The following RAD50 variants were observed in gnomAD, a reference collection of about 807,000 sequenced individuals.
The protein encoded by RAD50 is RAD50 double strand break repair protein.
Under a neutral mutation model 168.8 loss-of-function variants are expected in RAD50, and 132 were observed. The ratio of observed to expected loss-of-function variants is 0.78; its 90% CI spans 0.68 to 0.90. RAD50 has a LOEUF of 0.90. RAD50 is among the 40% of genes least tolerant of loss of function. The pLI is 0.00. For synonymous variants in RAD50, 525 were observed against 497.4 expected (o/e 1.06, Z -0.74); for missense variants, 1,347 against 1,534.4 (o/e 0.88, Z 2.04).
chr5:132,628,333 G>A (rs1353942274), intron 21 of RAD50, among the ~76,000 whole-genome samples: 2 of 152,290 alleles, frequency 1.3e-5, no homozygotes, highest in Admixed American at 1.3e-4. Flanking sequence ...ATAAGCAGCT[G>A]GTGATGTGGG....
intron 21 of RAD50, among the ~76,000 whole-genome samples, chr5:132,619,968 C>T (rs1379041552): frequency 2.0e-5 from 3 of 149,448 alleles, no homozygotes; most frequent in Non-Finnish European, 4.4e-5. Flanking sequence ...GCAGTGGCGC[C>T]ATCTCGGCTC....
At chr5:132,578,266 A>G (rs1257236610) in intron 3 of RAD50, among the ~76,000 whole-genome samples, 1 of 152,224 alleles carries the variant, frequency 6.6e-6, no homozygotes, top group Non-Finnish European at 1.5e-5. Context: ...TGATACCACT[A>G]TCCGTCCAGT....
chr5:132,602,674 A>G (rs1658324704), intron 13 of RAD50, among the ~76,000 whole-genome samples: 1 of 152,192 alleles, frequency 6.6e-6, no homozygotes, highest in South Asian at 2.1e-4. Flanking sequence ...CAATTTATGT[A>G]CTCTGTTATA....
chr5:132,613,617 TA>T (rs1554099638), intron 19 of RAD50, among the ~76,000 whole-genome samples: 5 of 148,460 alleles, frequency 3.4e-5, no homozygotes, highest in African/African-American at 1.2e-4. Context: ...TTTTTTTTTT[TA>T]AATTAGATGG....
At chr5:132,601,313 A>T (rs959329198) in intron 13 of RAD50, among the ~76,000 whole-genome samples, 1 of 152,190 alleles carries the variant, frequency 6.6e-6, no homozygotes, top group African/African-American at 2.4e-5. Context: ...ACTTCTTTTA[A>T]CATCTTATGT....
At chr5:132,619,775 T>A (rs1483396400) in intron 21 of RAD50, among the ~76,000 whole-genome samples, 2 of 144,240 alleles carry the variant, frequency 1.4e-5, no homozygotes, top group Non-Finnish European at 3.0e-5. Flanking sequence ...AAGAAATCCT[T>A]CCCTACTCCT....
intron 2 of RAD50, among the ~76,000 whole-genome samples, chr5:132,563,478 G>T (rs942859065): frequency 5.9e-5 from 9 of 152,318 alleles, no homozygotes; most frequent in African/African-American, 2.2e-4. Flanking sequence ...GTGGCAGAAG[G>T]GGTTGATTGA....
At chr5:132,619,732 G>T (rs185381747) in intron 21 of RAD50, among the ~76,000 whole-genome samples, 2 of 148,672 alleles carry the variant, frequency 1.3e-5, no homozygotes, top group Admixed American at 1.3e-4. Flanking sequence ...GAATTTAGCA[G>T]CCTTTTCTGG....
At chr5:132,628,265 T>C (rs968725844) in intron 21 of RAD50, among the ~76,000 whole-genome samples, 1 of 152,172 alleles carries the variant, frequency 6.6e-6, no homozygotes, top group African/African-American at 2.4e-5. Flanking sequence ...ACATGTGGAA[T>C]GAGCATAGAG....
chr5:132,589,339 A>T (rs571265866), intron 8 of RAD50, among the ~76,000 whole-genome samples: 3 of 152,300 alleles, frequency 2.0e-5, no homozygotes, highest in Non-Finnish European at 4.4e-5. Flanking sequence ...ACAGTTGCCA[A>T]AGTATTCAGT....
chr5:132,579,707 A>T (rs990413787), intron 4 of RAD50, 155 bp from the exon 5 acceptor site: 3 of 854,300 alleles, frequency 3.5e-6, no homozygotes, highest in Non-Finnish European at 5.5e-6. Context: ...GTATAAATGT[A>T]ATTTTTTTCA....
chr5:132,569,727 C>T (rs74438233), intron 2 of RAD50, among the ~76,000 whole-genome samples: 2,978 of 152,282 alleles, frequency 0.02, 74 homozygotes, highest in African/African-American at 0.061. Flanking sequence ...GACCAACATT[C>T]TGGACTGTAA....
chr5:132,598,179 C>G (rs1004559365), intron 13 of RAD50, among the ~76,000 whole-genome samples: 2 of 152,000 alleles, frequency 1.3e-5, no homozygotes, highest in African/African-American at 4.8e-5. Flanking sequence ...TCCCAAGTAG[C>G]TGGGATTACA....
Position 132,579,452 on chromosome 5 carries a change from T to C in RAD50, c.501T>C (p.Ser167=), listed in dbSNP as rs771804106. 1 of 1,613,990 alleles carries C rather than the reference T, an allele frequency of 6.2e-7. No homozygotes were observed. The highest frequency in any genetic ancestry group is 8.5e-7 in the Non-Finnish European group (1 of 1,179,944). ...AAGAAGATTCTAATTGGCCTTTAAG[T>C]GAAGGAAAGGCTTTGAAGCAAAAGT... ...CHQEDSNWPL[S]EGKALKQKFD... is the part of the protein sequence containing the mutation. The change falls in exon 4 of 25, where the codon AGT becomes AGC. Residue 167 remains serine, a synonymous_variant. Coordinates refer to ENST00000378823, the MANE Select transcript of RAD50 (RefSeq NM_005732.4).
Position 132,642,634 on chromosome 5 carries a change from G to A in RAD50, c.*270G>A. 2.0e-6 allele frequency: 1 copy of A among 510,182 alleles called. No individual in the cohort carries two copies. Among genetic ancestry groups the A allele is most frequent in the Non-Finnish European group, 3.5e-6 (1 of 283,528 alleles). 31.6% of individuals were successfully genotyped at this position (510,182 alleles called of 1,614,324 possible). On this transcript the variant is annotated 3_prime_UTR_variant, in exon 25 of 25. Coordinates refer to ENST00000378823, the MANE Select transcript of RAD50 (RefSeq NM_005732.4). ...GGGTTCAGCAGTACAGCCGAGACTCGACTCTGTGCCTCCCTCCCCAGTGCA... is the reference window on the plus strand; with the variant it reads ...GGGTTCAGCAGTACAGCCGAGACTCAACTCTGTGCCTCCCTCCCCAGTGCA...
intron 14 of RAD50, 90 bp from the exon 15 acceptor site, chr5:132,603,829 TA>T (rs1750930874): frequency 7.3e-6 from 9 of 1,229,794 alleles, no homozygotes; most frequent in Admixed American, 2.2e-5. Flanking sequence ...AGTTTAGATT[TA>T]AAAAATAAAT....
Position 132,559,371 on chromosome 5 carries a change from A to G in RAD50, c.213+4A>G, listed in dbSNP as rs1306208203. The G allele has an allele frequency of 2.5e-6, 4 of 1,606,770 alleles. No individual in the cohort carries two copies. The South Asian group carries it at 3.4e-5, about 13-fold the overall frequency. On this transcript the variant is annotated splice_donor_region_variant and intron_variant, in intron 2 of 24. Transcript: ENST00000378823. ...TACATTTGTACACGATCCCAAGGTA[A>G]TGGTGCTAGTACAATTTTGTATTTT...
At chr5:132,561,008 A>G (rs907788463) in intron 2 of RAD50, among the ~76,000 whole-genome samples, 5 of 152,326 alleles carry the variant, frequency 3.3e-5, no homozygotes, top group East Asian at 3.9e-4. Flanking sequence ...AAGGTCACCA[A>G]TAATCTCAAT....
At chr5:132,614,268 T>A (rs554723025) in intron 19 of RAD50, among the ~76,000 whole-genome samples, 4 of 152,320 alleles carry the variant, frequency 2.6e-5, no homozygotes, top group Admixed American at 2.6e-4. Flanking sequence ...GGGTATTAGA[T>A]GAAAGTAAGC....
Sources: allele counts gnomAD v4.1 joint callset (sites outside exome capture counted in the v4.1 genomes callset), GRCh38; gene constraint gnomAD v4.1.1; transcripts MANE v1.5; gene names NCBI Gene and HGNC (gene_info 2026-07-23, HGNC 2026-07-21).